The following TMEM132D variants were observed in gnomAD, a reference collection of about 807,000 sequenced individuals.
TMEM132D encodes mature OL transmembrane protein.
In TMEM132D, 21 loss-of-function variants were observed where a neutral mutation model predicts 62.3. The observed-to-expected ratio is 0.34, with a 90% confidence interval of 0.24 to 0.49. The LOEUF (loss-of-function observed/expected upper bound fraction) is 0.49. Among genes scored for constraint, TMEM132D ranks in the 20% least tolerant of loss-of-function variants. The pLI is 0.99. For synonymous variants in TMEM132D, 621 were observed against 575.6 expected (o/e 1.08, Z -1.13); for missense variants, 1,346 against 1,402.8 (o/e 0.96, Z 0.65).
At chr12:129,728,723 G>A (rs1042292497) in intron 1 of TMEM132D, among the ~76,000 whole-genome samples, 2 of 152,118 alleles carry the variant, frequency 1.3e-5, no homozygotes, top group Non-Finnish European at 2.9e-5. Context: ...CCTTCACCTG[G>A]TAAAGGGGCT....
intron 2 of TMEM132D, among the ~76,000 whole-genome samples, chr12:129,565,168 C>T (rs1456030507): frequency 1.3e-5 from 2 of 152,206 alleles, no homozygotes; most frequent in African/African-American, 2.4e-5. Flanking sequence ...GCAACACTGC[C>T]ATCAGATGAG....
At chr12:129,183,450 C>T (rs1314449941) in intron 5 of TMEM132D, among the ~76,000 whole-genome samples, 2 of 152,252 alleles carry the variant, frequency 1.3e-5, no homozygotes, top group Non-Finnish European at 2.9e-5. Flanking sequence ...AGGAGCTCAA[C>T]TCACCCTTTC....
intron 1 of TMEM132D, among the ~76,000 whole-genome samples, chr12:129,743,371 A>G (rs1301991797): frequency 6.6e-6 from 1 of 152,178 alleles, no homozygotes; most frequent in East Asian, 1.9e-4. Context: ...TTCGCACGAT[A>G]GTAAGTGAGT....
chr12:129,528,689 C>T (rs1876127859), intron 3 of TMEM132D, among the ~76,000 whole-genome samples: 1 of 152,206 alleles, frequency 6.6e-6, no homozygotes, highest in Non-Finnish European at 1.5e-5. Flanking sequence ...TGTGTGCATA[C>T]AAATTTGTAT....
chr12:129,777,083 T>G lies in TMEM132D; in HGVS notation c.80-76385A>C, dbSNP rs148744138. ...TGGCTGAGGGTTGTTAGCAGCTGGGTCTATAAATTGTAAACCTTCCCCAGG... is the reference window on the plus strand; with the variant it reads ...TGGCTGAGGGTTGTTAGCAGCTGGGGCTATAAATTGTAAACCTTCCCCAGG... On this transcript the variant is annotated intron_variant, in intron 1 of 8. Transcript: ENST00000422113. Among the ~76,000 whole-genome samples the G allele has an allele frequency of 5.0e-3, 757 of 152,314 alleles. 11 individuals carry two copies. Among genetic ancestry groups the G allele is most frequent in the African/African-American group, 0.017 (705 of 41,574 alleles).
intron 1 of TMEM132D, among the ~76,000 whole-genome samples, chr12:129,874,303 G>C (rs191886065): frequency 6.6e-6 from 1 of 152,028 alleles, no homozygotes; most frequent in Non-Finnish European, 1.5e-5. Flanking sequence ...AAAATAAATC[G>C]GGAGGCTGAG....
At chr12:129,685,442 G>T (rs1880884153) in intron 2 of TMEM132D, among the ~76,000 whole-genome samples, 1 of 152,216 alleles carries the variant, frequency 6.6e-6, no homozygotes. Flanking sequence ...ATGGTATTGA[G>T]CCTGCAGGTG....
chr12:129,477,013 T>C (rs765904909), intron 3 of TMEM132D, among the ~76,000 whole-genome samples: 2 of 152,220 alleles, frequency 1.3e-5, no homozygotes, highest in Non-Finnish European at 2.9e-5. Flanking sequence ...TGATAATCCA[T>C]GCCTCTTAAT....
intron 2 of TMEM132D, among the ~76,000 whole-genome samples, chr12:129,585,841 C>G (rs10773686): frequency 1.2e-4 from 12 of 99,588 alleles, no homozygotes; most frequent in Admixed American, 7.5e-4. Flanking sequence ...GTGTGTGTGT[C>G]TGTGTGTGTG....
At chr12:129,289,547 TAAAAAAAA>T (rs59709658) in intron 4 of TMEM132D, among the ~76,000 whole-genome samples, 1 of 92,180 alleles carries the variant, frequency 1.1e-5, no homozygotes, top group South Asian at 3.5e-4. Flanking sequence ...TCCATCTCAA[TAAAAAAAA>T]AAAAAAAAAG....
At chr12:129,654,279 C>T (rs1416166205) in intron 2 of TMEM132D, among the ~76,000 whole-genome samples, 11 of 105,418 alleles carry the variant, frequency 1.0e-4, no homozygotes, top group Non-Finnish European at 2.2e-4. Context: ...CTCACTCTCT[C>T]GTGTGTGTGT....
chr12:129,400,937 G>A (rs1245350083), intron 3 of TMEM132D, among the ~76,000 whole-genome samples: 8 of 152,112 alleles, frequency 5.3e-5, no homozygotes, highest in Admixed American at 1.3e-4. Flanking sequence ...TTTTGCAAAG[G>A]TGAAAAAAGT....
In TMEM132D at chr12:129,886,102, C is replaced by G. The variant is rs549136466; in HGVS notation, c.79+17159G>C. On this transcript the variant is annotated intron_variant, in intron 1 of 8. Transcript: ENST00000422113. ...TGGATTGGTGTCATTACAATTATGA[C>G]TGTTACACAATCAAAACAATGAAAG... Among the ~76,000 whole-genome samples, 180 of 152,302 alleles carry G rather than the reference C, an allele frequency of 1.2e-3. 1 individual carries two copies. Among genetic ancestry groups the G allele is most frequent in the South Asian group, 2.7e-3 (13 of 4,822 alleles).
At chr12:129,416,050 G>A (rs1036890460) in intron 3 of TMEM132D, among the ~76,000 whole-genome samples, 9 of 152,172 alleles carry the variant, frequency 5.9e-5, no homozygotes, top group African/African-American at 2.2e-4. Flanking sequence ...TTTGAAAATA[G>A]GGCCTTGTGA....
At chr12:129,076,249 A>ATAAT (rs1473326346) in intron 8 of TMEM132D, among the ~76,000 whole-genome samples, 1 of 152,268 alleles carries the variant, frequency 6.6e-6, no homozygotes, top group Non-Finnish European at 1.5e-5. Flanking sequence ...TAGGAAGACA[A>ATAAT]TAATGAATTA....
chr12:129,399,981 T>C (rs1247741906), intron 3 of TMEM132D, among the ~76,000 whole-genome samples: 1 of 152,120 alleles, frequency 6.6e-6, no homozygotes, highest in Non-Finnish European at 1.5e-5. Flanking sequence ...ATTTCATAAA[T>C]ATTTGGTAAA....
intron 1 of TMEM132D, among the ~76,000 whole-genome samples, chr12:129,816,094 T>G (rs1872334797): frequency 6.6e-6 from 1 of 151,750 alleles, no homozygotes; most frequent in Non-Finnish European, 1.5e-5. Flanking sequence ...GCCTGTCATT[T>G]AATCCAAACA....
chr12:129,449,768 A>G (rs1214850237), intron 3 of TMEM132D, among the ~76,000 whole-genome samples: 1 of 152,230 alleles, frequency 6.6e-6, no homozygotes, highest in Non-Finnish European at 1.5e-5. Flanking sequence ...GGGAAAGCCA[A>G]CTACTTCCTC....
At chr12:129,455,532 A>C (rs942736325) in intron 3 of TMEM132D, among the ~76,000 whole-genome samples, 2 of 152,242 alleles carry the variant, frequency 1.3e-5, no homozygotes, top group Non-Finnish European at 2.9e-5. Flanking sequence ...TAGTAAAAAC[A>C]TGAAAGAGAA....
Sources: allele counts gnomAD v4.1 joint callset (sites outside exome capture counted in the v4.1 genomes callset), GRCh38; gene constraint gnomAD v4.1.1; transcripts MANE v1.5; gene names NCBI Gene and HGNC (gene_info 2026-07-23, HGNC 2026-07-21).